Variants in PPARGC1A observed in about 807,000 individuals in gnomAD.
The protein encoded by PPARGC1A is PPARG coactivator 1 alpha.
Under a neutral mutation model 88.7 loss-of-function variants are expected in PPARGC1A, and 25 were observed. The observed-to-expected ratio is 0.28, with a 90% CI of 0.21 to 0.39. PPARGC1A has a LOEUF of 0.39. PPARGC1A is among the 10% of genes least tolerant of loss of function. The pLI, the probability that PPARGC1A is intolerant of heterozygous loss-of-function variation, is 1.00. For synonymous variants in PPARGC1A, 363 were observed against 355.6 expected (o/e 1.02, Z -0.24); for missense variants, 880 against 968.7 (o/e 0.91, Z 1.22).
At chr4:24,408,842 G>A in the PPARGC1A span, among the ~76,000 whole-genome samples, 10 of 152,252 alleles carry the variant, frequency 6.6e-5, no homozygotes, top group South Asian at 4.1e-4. Context: ...GCCAGCCCAC[G>A]GAAACACGAA....
the PPARGC1A span, among the ~76,000 whole-genome samples, chr4:24,213,914 G>A: frequency 1.4e-4 from 22 of 152,320 alleles, no homozygotes; most frequent in South Asian, 4.4e-3. Flanking sequence ...CTGATGAACA[G>A]TTTAAAAACT....
In PPARGC1A at chr4:23,814,021, C is replaced by A; in HGVS notation, c.1462G>T (p.Asp488Tyr). 6.2e-7 allele frequency: 1 copy of A among 1,614,038 alleles called. No homozygotes were observed. The highest frequency in any genetic ancestry group is 8.5e-7 in the Non-Finnish European group (1 of 1,179,930). The change falls in exon 8 of 13, where the codon GAT becomes TAT. Residue 488 changes from aspartate (D) to tyrosine (Y), a missense_variant. Coordinates refer to ENST00000264867, the MANE Select transcript of PPARGC1A (RefSeq NM_013261.5). ...ADKTGELRDS[D>Y]FSNEQFSKLP... Reference sequence around the variant, plus strand: ...TTGGAGAATTGTTCATTACTGAAATCACTGTCCCTCAGTTCACCGGTCTTG... The same window carrying A: ...TTGGAGAATTGTTCATTACTGAAATAACTGTCCCTCAGTTCACCGGTCTTG...
chr4:24,296,061 T>C, the PPARGC1A span, among the ~76,000 whole-genome samples: 1 of 151,230 alleles, frequency 6.6e-6, no homozygotes, highest in East Asian at 1.9e-4. Context: ...TGTGTATATA[T>C]GTGTATATGT....
At chr4:24,136,105 C>T in the PPARGC1A span, among the ~76,000 whole-genome samples, 42 of 152,310 alleles carry the variant, frequency 2.8e-4, no homozygotes, top group African/African-American at 9.6e-4. Context: ...ATGCCCTGAT[C>T]ATTTTAATGA....
intron 2 of PPARGC1A, among the ~76,000 whole-genome samples, chr4:23,873,833 A>T (rs1051967402): frequency 6.6e-6 from 1 of 152,150 alleles, no homozygotes; most frequent in Non-Finnish European, 1.5e-5. Context: ...AAAAAAAGCT[A>T]CTCACACATA....
At chr4:23,873,224 T>G (rs113013339) in intron 2 of PPARGC1A, among the ~76,000 whole-genome samples, 9 of 108,134 alleles carry the variant, frequency 8.3e-5, no homozygotes, top group Admixed American at 7.0e-4. Flanking sequence ...AAATAAAAAA[T>G]AAAGAAAAAA....
the PPARGC1A span, among the ~76,000 whole-genome samples, chr4:24,450,609 T>C: frequency 5.3e-5 from 8 of 152,306 alleles, no homozygotes; most frequent in East Asian, 1.5e-3. Context: ...TGGGGGGATC[T>C]AAAGTCTATA....
chr4:23,961,090 C>T, the PPARGC1A span, among the ~76,000 whole-genome samples: 12 of 152,232 alleles, frequency 7.9e-5, no homozygotes, highest in African/African-American at 2.6e-4. Context: ...TTTAAAAAAG[C>T]AGCACAATTC....
the PPARGC1A span, among the ~76,000 whole-genome samples, chr4:24,421,307 A>G: frequency 7.2e-6 from 1 of 139,666 alleles, no homozygotes; most frequent in Non-Finnish European, 1.6e-5. Flanking sequence ...TTTAATGAAC[A>G]GTTCACTTTT....
rs576239852 is a variant in PPARGC1A, at chr4:23,857,804, C to G, written c.235-26053G>C. Among the ~76,000 whole-genome samples the G allele has an allele frequency of 8.6e-5, 13 of 151,854 alleles. 1 individual carries two copies. In the South Asian group the frequency reaches 2.5e-3, roughly 29 times the overall value. On this transcript the variant is annotated intron_variant, in intron 2 of 12. Coordinates refer to ENST00000264867, the MANE Select transcript of PPARGC1A (RefSeq NM_013261.5). ...AGGGAAAACCTATTGACATTTGAATCGTGATGAGACTCCTCTTGCAGTTTA... is the reference window on the plus strand; with the variant it reads ...AGGGAAAACCTATTGACATTTGAATGGTGATGAGACTCCTCTTGCAGTTTA...
the PPARGC1A span, among the ~76,000 whole-genome samples, chr4:24,032,560 G>A: frequency 1.3e-5 from 2 of 152,138 alleles, no homozygotes; most frequent in African/African-American, 4.8e-5. Flanking sequence ...TTGCATTTTT[G>A]AGCCATGTTT....
At chr4:23,838,742 C>T (rs894302439) in intron 2 of PPARGC1A, among the ~76,000 whole-genome samples, 7 of 152,174 alleles carry the variant, frequency 4.6e-5, no homozygotes, top group African/African-American at 1.7e-4. Context: ...TGAGTAACTC[C>T]CCATGGGCAT....
At chr4:24,445,673 A>C in the PPARGC1A span, among the ~76,000 whole-genome samples, 1 of 152,218 alleles carries the variant, frequency 6.6e-6, no homozygotes, top group Non-Finnish European at 1.5e-5. Flanking sequence ...AAAGCATCAG[A>C]AAATCCCACC....
chr4:24,029,768 C>T, the PPARGC1A span, among the ~76,000 whole-genome samples: 13 of 152,022 alleles, frequency 8.6e-5, no homozygotes, highest in Non-Finnish European at 1.6e-4. Flanking sequence ...TCCAAAACAT[C>T]GGTAAAACCA....
chr4:24,118,897 T>A, the PPARGC1A span, among the ~76,000 whole-genome samples: 1 of 152,014 alleles, frequency 6.6e-6, no homozygotes, highest in Non-Finnish European at 1.5e-5. Context: ...AATAATAGGC[T>A]CCAACCTGAA....
the PPARGC1A span, among the ~76,000 whole-genome samples, chr4:23,951,893 T>G: frequency 6.6e-6 from 1 of 152,142 alleles, no homozygotes; most frequent in South Asian, 2.1e-4. Context: ...TTTGAACAGT[T>G]ATTAATGAAA....
At chr4:23,957,148 C>A in the PPARGC1A span, among the ~76,000 whole-genome samples, 1 of 152,082 alleles carries the variant, frequency 6.6e-6, no homozygotes, top group Non-Finnish European at 1.5e-5. Context: ...TGCCACCCAG[C>A]CTATGCAGTG....
chr4:24,255,468 C>T, the PPARGC1A span, among the ~76,000 whole-genome samples: 1 of 152,190 alleles, frequency 6.6e-6, no homozygotes, highest in Non-Finnish European at 1.5e-5. Context: ...TTTCTTGTTT[C>T]TGAAAGCATT....
At chr4:24,098,105 T>C in the PPARGC1A span, among the ~76,000 whole-genome samples, 1 of 152,248 alleles carries the variant, frequency 6.6e-6, no homozygotes, top group Non-Finnish European at 1.5e-5. Flanking sequence ...GAAAAGTTAC[T>C]CTTCAAAAAG....
Sources: allele counts gnomAD v4.1 joint callset (sites outside exome capture counted in the v4.1 genomes callset), GRCh38; gene constraint gnomAD v4.1.1; transcripts MANE v1.5; gene names NCBI Gene and HGNC (gene_info 2026-07-23, HGNC 2026-07-21).